The following INSR variants were observed in gnomAD, a reference collection of about 807,000 sequenced individuals.
The protein encoded by INSR is IR.
Under a neutral mutation model 142.6 loss-of-function variants are expected in INSR, and 67 were observed. The ratio of observed to expected loss-of-function variants is 0.47; its 90% CI spans 0.39 to 0.58. The LOEUF (loss-of-function observed/expected upper bound fraction) is 0.58. INSR is among the 20% of genes least tolerant of loss of function. The pLI, the probability that INSR is intolerant of heterozygous loss-of-function variation, is 0.00. For missense variants in INSR, 1,248 were observed against 1,833.2 expected, an observed-to-expected ratio of 0.68 and a Z score of 5.83; for synonymous variants, 756 against 743.1, an observed-to-expected ratio of 1.02 and a Z score of -0.28.
At chr19:7,141,519 T>C in intron 13 of INSR, 158 bp downstream of exon 13, 1 of 996,520 alleles carries the variant, frequency 1.0e-6, no homozygotes. Context: ...CCCATCTTCC[T>C]GCGAAGTCAG....
At chr19:7,293,250 C>T (rs1322345758) in intron 1 of INSR, among the ~76,000 whole-genome samples, 1 of 152,216 alleles carries the variant, frequency 6.6e-6, no homozygotes, top group East Asian at 1.9e-4. Context: ...TAAACATGGA[C>T]CTAGAGTCCG....
intron 13 of INSR, among the ~76,000 whole-genome samples, chr19:7,133,802 C>T (rs369256626): frequency 6.6e-6 from 1 of 152,164 alleles, no homozygotes; most frequent in Admixed American, 6.5e-5. Flanking sequence ...GTGGAGGTTG[C>T]AGTGAGCCAA....
intron 13 of INSR, among the ~76,000 whole-genome samples, chr19:7,137,610 A>G (rs1289817009): frequency 6.6e-6 from 1 of 151,976 alleles, no homozygotes; most frequent in Non-Finnish European, 1.5e-5. Flanking sequence ...CAACATGGTG[A>G]AACCTCGTCT....
intron 2 of INSR, among the ~76,000 whole-genome samples, chr19:7,205,806 A>G (rs1161290211): frequency 3.3e-5 from 5 of 152,146 alleles, no homozygotes; most frequent in Non-Finnish European, 5.9e-5. Flanking sequence ...GGGAGGATCA[A>G]TTAGCCCAGG....
chr19:7,159,240 T>C lies in INSR; in HGVS notation c.2029+3792A>G, dbSNP rs1045338157. On this transcript the variant is annotated intron_variant, in intron 9 of 21. Transcript: ENST00000302850. This position sits in a 1 kb window ranked among gnomAD's most constrained non-coding sequence, Gnocchi z 4.3. ...ATTTTAAGTGTGCAGTTCTGTGGTA[T>C]TAAGTGCATTCACAATGTTGTGCAA... is the stretch of plus-strand genomic sequence containing the variant. Among the ~76,000 whole-genome samples, 1 of 152,046 alleles carries C rather than the reference T, an allele frequency of 6.6e-6. No homozygotes were observed. Among genetic ancestry groups the C allele is most frequent in the African/African-American group, 2.4e-5 (1 of 41,366 alleles).
At chr19:7,129,277 C>T (rs1192605988) in intron 14 of INSR, among the ~76,000 whole-genome samples, 2 of 152,106 alleles carry the variant, frequency 1.3e-5, no homozygotes, top group East Asian at 3.9e-4. Context: ...CAGTTTAATG[C>T]TCTGCTGTTG....
At chr19:7,208,169 T>C (rs1975169178) in intron 2 of INSR, among the ~76,000 whole-genome samples, 2 of 152,102 alleles carry the variant, frequency 1.3e-5, no homozygotes, top group South Asian at 4.1e-4. Flanking sequence ...GCCACGTAAC[T>C]ATTCTGTGGC....
chr19:7,255,740 G>A (rs1456406616), intron 2 of INSR, among the ~76,000 whole-genome samples: 1 of 151,788 alleles, frequency 6.6e-6, no homozygotes, highest in Non-Finnish European at 1.5e-5. Context: ...ACCATGCTTG[G>A]CTAATTTTTT....
chr19:7,210,917 A>G (rs1021001283), intron 2 of INSR, among the ~76,000 whole-genome samples: 1 of 151,938 alleles, frequency 6.6e-6, no homozygotes, highest in Admixed American at 6.6e-5. Flanking sequence ...TTTAGTAGAG[A>G]CAGGGTTTCA....
intron 15 of INSR, among the ~76,000 whole-genome samples, chr19:7,128,619 T>G (rs1178391394): frequency 6.6e-6 from 1 of 151,168 alleles, no homozygotes; most frequent in African/African-American, 2.4e-5. Context: ...TATAAAGGTT[T>G]GGGCAAAAAA....
At chr19:7,265,735 CAAAAAAA>C (rs34734343) in intron 2 of INSR, among the ~76,000 whole-genome samples, 1 of 133,546 alleles carries the variant, frequency 7.5e-6, no homozygotes, top group African/African-American at 2.7e-5. Flanking sequence ...AACTCCATCT[CAAAAAAA>C]AAAAAAAAAT....
chr19:7,182,258 C>T (rs1974293335), intron 3 of INSR, among the ~76,000 whole-genome samples: 1 of 152,058 alleles, frequency 6.6e-6, no homozygotes. Context: ...TCACTTGAAC[C>T]CGGGAGGCTG....
In INSR at chr19:7,125,187, A is replaced by G; in HGVS notation, c.3258+96T>C. 6.7e-7 allele frequency: 1 copy of G among 1,484,842 alleles called. No individual in the cohort carries two copies. The highest frequency in any genetic ancestry group is 9.3e-7 in the Non-Finnish European group (1 of 1,074,018). The allele number at this position is 1,484,842 out of a possible 1,614,324, so 92.0% of individuals were successfully genotyped here. A position where few individuals can be genotyped will look rare whatever the true frequency, so the allele number is the denominator to read the frequency against. On this transcript the variant is annotated intron_variant, in intron 17 of 21. Transcript: ENST00000302850. This position sits in a 1 kb window ranked among gnomAD's most constrained non-coding sequence, Gnocchi z 4.9. ...TGGAGTGAGGGGTGGGTAGGAGGTTACACCCTGTGTCCTCTGTCGCTCTGT... is the reference window on the plus strand; with the variant it reads ...TGGAGTGAGGGGTGGGTAGGAGGTTGCACCCTGTGTCCTCTGTCGCTCTGT...
At chr19:7,151,162 C>CTTTCTTTCTTTCTT (rs1359040007) in intron 10 of INSR, among the ~76,000 whole-genome samples, 171 of 45,884 alleles carry the variant, frequency 3.7e-3, no homozygotes, top group African/African-American at 6.8e-3. Flanking sequence ...TTCTTTCTTT[C>CTTTCTTTCTTTCTT]TCTTTCTTTC....
At chr19:7,177,514 T>G (rs1599949640) in intron 3 of INSR, among the ~76,000 whole-genome samples, 1 of 151,636 alleles carries the variant, frequency 6.6e-6, no homozygotes, top group East Asian at 1.9e-4. Context: ...GTCAATGGTT[T>G]TTTTGTTTTG....
Position 7,293,665 on chromosome 19 carries a change from G to C in INSR, c.100+127C>G, listed in dbSNP as rs565479009. 5.2e-6 allele frequency: 4 copies of C among 773,682 alleles called. No individual in the cohort carries two copies. In the African/African-American group the frequency reaches 7.4e-5, roughly 14 times the overall value. The allele number at this position is 773,682 out of a possible 1,614,324, so 47.9% of individuals were successfully genotyped here. A position where few individuals can be genotyped will look rare whatever the true frequency, so the allele number is the denominator to read the frequency against. ...CCCCCTACGCGATGCAGGAGCTACC[G>C]TCCTGGCCACCGCCCCCCGCCCCTG... On this transcript the variant is annotated intron_variant, in intron 1 of 21. Transcript: ENST00000302850.
chr19:7,211,830 T>C (rs3745545), intron 2 of INSR, among the ~76,000 whole-genome samples: 23,309 of 151,042 alleles, frequency 0.15, 1,844 homozygotes, highest in South Asian at 0.25. Context: ...TTCTGCCAAA[T>C]AGAGCTTTGG....
rs181379106 is a variant in INSR at position 7,175,784 on chromosome 19, G to A, written c.975-1053C>T. The stretch of plus-strand genomic sequence containing the variant: ...TGGGAGGCAGAGGTTGCAGTGAGCC[G>A]AGATAGCACCACTGCACTCCAGCTG... On this transcript the variant is annotated intron_variant, in intron 3 of 21. Coordinates refer to ENST00000302850, the MANE Select transcript of INSR (RefSeq NM_000208.4). Among the ~76,000 whole-genome samples the A allele has an allele frequency of 1.8e-3, 272 of 151,506 alleles. 1 individual carries two copies. Among genetic ancestry groups the A allele is most frequent in the African/African-American group, 6.0e-3 (246 of 41,234 alleles).
chr19:7,195,682 G>A (rs1340509501), intron 2 of INSR, among the ~76,000 whole-genome samples: 1 of 149,384 alleles, frequency 6.7e-6, no homozygotes, highest in Non-Finnish European at 1.5e-5. Flanking sequence ...ATAAATAAAA[G>A]CCAATGTTGG....
Sources: gnomAD v4.1 joint callset for allele counts (sites outside exome capture counted in the v4.1 genomes callset) on GRCh38, gnomAD v4.1.1 for gene constraint, Gnocchi (gnomAD v3.1) non-coding constraint, MANE v1.5 for transcripts, NCBI Gene and HGNC (gene_info 2026-07-23, HGNC 2026-07-21) for gene names.